The following TSPAN18 variants were observed in gnomAD, a reference collection of about 807,000 sequenced individuals.
The protein encoded by TSPAN18 is tetraspanin-18.
TSPAN18 carries 14 observed loss-of-function variants against 27.3 expected under a neutral mutation model. That is an observed-to-expected ratio of 0.51 (90% CI 0.34 to 0.80). TSPAN18 has a LOEUF of 0.80. Among genes scored for constraint, TSPAN18 ranks in the 30% least tolerant of loss-of-function variants. The pLI is 0.01. For synonymous variants in TSPAN18, 143 were observed against 136.5 expected (o/e 1.05, Z -0.33); for missense variants, 268 against 323.9 (o/e 0.83, Z 1.32).
intron 2 of TSPAN18, among the ~76,000 whole-genome samples, chr11:44,780,454 CTCAT>C (rs1030029551): frequency 6.6e-6 from 1 of 152,164 alleles, no homozygotes; most frequent in Admixed American, 6.5e-5. Context: ...CCTTCCTCTG[CTCAT>C]TCATTCATTC....
intron 2 of TSPAN18, among the ~76,000 whole-genome samples, chr11:44,790,347 T>TG (rs1316064119): frequency 7.2e-6 from 1 of 139,366 alleles, no homozygotes; most frequent in Non-Finnish European, 1.5e-5. Flanking sequence ...GTGCATGTGT[T>TG]GGTGTGTGTG....
At chr11:44,911,457 G>A (rs1434654662) in intron 5 of TSPAN18, among the ~76,000 whole-genome samples, 1 of 152,136 alleles carries the variant, frequency 6.6e-6, no homozygotes. Context: ...CTTCAACAGC[G>A]CAAACACTGC....
intron 2 of TSPAN18, among the ~76,000 whole-genome samples, chr11:44,801,705 C>T (rs968229581): frequency 2.6e-5 from 4 of 152,224 alleles, no homozygotes; most frequent in Non-Finnish European, 5.9e-5. Context: ...CCTTTTCAAG[C>T]CTTTATCTCT....
At chr11:44,880,890 CAA>C (rs1017775050) in intron 3 of TSPAN18, among the ~76,000 whole-genome samples, 1 of 152,240 alleles carries the variant, frequency 6.6e-6, no homozygotes, top group African/African-American at 2.4e-5. Flanking sequence ...CAGGGGTGGG[CAA>C]CATGACACCT....
At chr11:44,750,845 CAGAG>C (rs1855193961) in intron 1 of TSPAN18, among the ~76,000 whole-genome samples, 1 of 152,220 alleles carries the variant, frequency 6.6e-6, no homozygotes, top group Admixed American at 6.5e-5. Flanking sequence ...TGAAGTGACT[CAGAG>C]AGGCTTGGTG....
rs548184609 is a variant in TSPAN18, at chr11:44,866,295, C to T, written c.-11+5826C>T. On this transcript the variant is annotated intron_variant, in intron 3 of 9. Transcript: ENST00000520358. ...AATCTGATTAAATCTGCCTTCAGCT[C>T]CCTCCACGAATTTGAAAGACATTCA... is the stretch of plus-strand genomic sequence containing the variant. Among the ~76,000 whole-genome samples, 4 of 152,326 alleles carry T rather than the reference C, an allele frequency of 2.6e-5. No homozygotes were observed. The East Asian group carries it at 5.8e-4, about 22-fold the overall frequency.
chr11:44,929,273 G>C lies in TSPAN18; in HGVS notation c.*95G>C. ...CCTCCCCGCTGTCCTCTTGGCCCCA[G>C]GGGAGAAGATGAGGCCATCAGAGAT... On this transcript the variant is annotated 3_prime_UTR_variant, in exon 10 of 10. Transcript: ENST00000520358. 1 of 1,513,776 alleles carries C rather than the reference G, an allele frequency of 6.6e-7. No homozygotes were observed. Among genetic ancestry groups the C allele is most frequent in the South Asian group, 1.1e-5 (1 of 88,588 alleles). The allele number at this position is 1,513,776 out of a possible 1,614,324, so 93.8% of individuals were successfully genotyped here. A position where few individuals can be genotyped will look rare whatever the true frequency, so the allele number is the denominator to read the frequency against.
chr11:44,909,786 C>A lies in TSPAN18; in HGVS notation c.145C>A (p.Pro49Thr). Residue 49 changes from proline (P) to threonine (T), a missense_variant, in exon 5 of 10, where the codon CCT becomes ACT. Coordinates refer to ENST00000520358, the MANE Select transcript of TSPAN18 (RefSeq NM_130783.5). ...CTTCCGGGAGATCGTGGCTGCCAATCCTCTGCTCCTCACGGGCGCCTACAT... is the reference window on the plus strand; with the variant it reads ...CTTCCGGGAGATCGTGGCTGCCAATACTCTGCTCCTCACGGGCGCCTACAT... ...TGFREIVAAN[P>T]LLLTGAYILL... 1 of 1,613,988 alleles carries A rather than the reference C, an allele frequency of 6.2e-7. No individual in the cohort carries two copies. Among genetic ancestry groups the A allele is most frequent in the Admixed American group, 1.7e-5 (1 of 60,014 alleles).
chr11:44,916,554 C>T (rs577786391), intron 5 of TSPAN18, among the ~76,000 whole-genome samples: 69 of 152,238 alleles, frequency 4.5e-4, no homozygotes, highest in African/African-American at 8.7e-4. Flanking sequence ...TGATTCCCCA[C>T]GGGGAATCCC....
At chr11:44,773,426 C>A (rs112231690) in intron 2 of TSPAN18, among the ~76,000 whole-genome samples, 10,666 of 150,816 alleles carry the variant, frequency 0.071, 547 homozygotes, top group African/African-American at 0.15. Flanking sequence ...CAAAAAAAAA[C>A]CCAAAAAACA....
chr11:44,809,802 T>C (rs1856675346), intron 2 of TSPAN18, among the ~76,000 whole-genome samples: 1 of 152,206 alleles, frequency 6.6e-6, no homozygotes, highest in Non-Finnish European at 1.5e-5. Context: ...TTATGGGGAA[T>C]AAGTGAGATG....
At chr11:44,862,799 A>C (rs1459814804) in intron 3 of TSPAN18, among the ~76,000 whole-genome samples, 1 of 152,118 alleles carries the variant, frequency 6.6e-6, no homozygotes, top group Non-Finnish European at 1.5e-5. Flanking sequence ...TAAAGCCCCC[A>C]CCTGTGCCTG....
chr11:44,867,416 T>C (rs574959791), intron 3 of TSPAN18, among the ~76,000 whole-genome samples: 1,402 of 116,172 alleles, frequency 0.012, 30 homozygotes, highest in African/African-American at 0.039. Flanking sequence ...TTTTTTTTTT[T>C]CAGACAGAGT....
chr11:44,927,486 C>T (rs969068240), intron 9 of TSPAN18, among the ~76,000 whole-genome samples: 2 of 152,220 alleles, frequency 1.3e-5, no homozygotes, highest in African/African-American at 4.8e-5. Flanking sequence ...CCCCCTCCAG[C>T]AGCCTGGGCA....
intron 3 of TSPAN18, chr11:44,903,830 C>T (rs1394168301): frequency 2.2e-6 from 1 of 456,678 alleles, no homozygotes; most frequent in South Asian, 1.5e-5. Flanking sequence ...CTTGGCTTCA[C>T]CACTCACTAG....
At chr11:44,732,776 T>C (rs1854694835) in intron 1 of TSPAN18, among the ~76,000 whole-genome samples, 2 of 152,234 alleles carry the variant, frequency 1.3e-5, no homozygotes, top group South Asian at 4.1e-4. Flanking sequence ...ATCCCGATTC[T>C]GCAATTTACT....
intron 2 of TSPAN18, among the ~76,000 whole-genome samples, chr11:44,790,270 TG>T (rs1856169427): frequency 6.6e-6 from 1 of 151,418 alleles, no homozygotes; most frequent in African/African-American, 2.4e-5. Flanking sequence ...TTTATGTGTA[TG>T]TGTGCATGTG....
At chr11:44,766,412 C>T (rs1855567895) in intron 2 of TSPAN18, among the ~76,000 whole-genome samples, 2 of 152,210 alleles carry the variant, frequency 1.3e-5, no homozygotes, top group African/African-American at 2.4e-5. Flanking sequence ...CTGCCCTGAT[C>T]CCCACAGGAA....
chr11:44,848,839 C>T (rs552536984), intron 2 of TSPAN18, among the ~76,000 whole-genome samples: 88 of 152,296 alleles, frequency 5.8e-4, no homozygotes, highest in African/African-American at 2.1e-3. Flanking sequence ...GGTCTCTAAC[C>T]GTGGGGCTCC....
Sources: allele counts gnomAD v4.1 joint callset (sites outside exome capture counted in the v4.1 genomes callset), GRCh38; gene constraint gnomAD v4.1.1; transcripts MANE v1.5; gene names NCBI Gene and HGNC (gene_info 2026-07-23, HGNC 2026-07-21).